Variants in NTPCR observed in about 807,000 individuals in gnomAD.
The protein encoded by NTPCR is cancer-related nucleoside-triphosphatase.
NTPCR carries 15 observed loss-of-function variants against 19.5 expected under a neutral mutation model. The observed-to-expected ratio is 0.77, with a 90% CI of 0.51 to 1.18. NTPCR has a LOEUF of 1.18. NTPCR is among the 50% of genes most tolerant of loss of function. The probability of loss-of-function intolerance (pLI) is 0.00; values close to 1 mark genes in which losing one functional copy is unlikely to be tolerated. For synonymous variants in NTPCR, 90 were observed against 95.8 expected (o/e 0.94, Z 0.36); for missense variants, 206 against 240.4 (o/e 0.86, Z 0.95).
intron 1 of NTPCR, among the ~76,000 whole-genome samples, chr1:232,953,818 C>A (rs1668440521): frequency 1.3e-5 from 2 of 151,694 alleles, no homozygotes; most frequent in South Asian, 4.2e-4. Context: ...ACATTGTGGT[C>A]TATTTTCCAT....
rs774338251 is a variant in NTPCR at position 232,969,872 on chromosome 1, ACT to A, written c.295-34_295-33del. ...ACCCATGGGCCCTTTGATTAATGTGACTCTGATGTCCCAGTGAAAGTCTTTGT... is the reference window on the plus strand; with the variant it reads ...ACCCATGGGCCCTTTGATTAATGTGACTGATGTCCCAGTGAAAGTCTTTGT... On this transcript the variant is annotated intron_variant, in intron 3 of 4. Coordinates refer to ENST00000366628, the MANE Select transcript of NTPCR (RefSeq NM_032324.3). 3.2e-6 allele frequency: 5 copies of A among 1,559,050 alleles called. No individual in the cohort carries two copies. The South Asian group carries it at 4.5e-5, about 14-fold the overall frequency.
intron 4 of NTPCR, among the ~76,000 whole-genome samples, chr1:232,975,507 A>G (rs976774035): frequency 6.6e-6 from 1 of 152,208 alleles, no homozygotes; most frequent in African/African-American, 2.4e-5. Flanking sequence ...GTATACAACT[A>G]TGTGCAAGAA....
chr1:232,957,856 A>C (rs959303968), intron 3 of NTPCR, among the ~76,000 whole-genome samples: 2 of 152,250 alleles, frequency 1.3e-5, no homozygotes, highest in Non-Finnish European at 2.9e-5. Context: ...CTTTAGACCA[A>C]GGGACCAGGA....
Position 232,953,567 on chromosome 1 carries a change from A to T in NTPCR, c.35-1990A>T, listed in dbSNP as rs569509061. Among the ~76,000 whole-genome samples, 605 of 152,218 alleles carry T rather than the reference A, an allele frequency of 4.0e-3. 4 individuals carry two copies. The highest frequency in any genetic ancestry group is 0.014 in the African/African-American group (577 of 41,534). On this transcript the variant is annotated intron_variant, in intron 1 of 4. Transcript: ENST00000366628. ...TATCTTTTTCAAAATATAAACGGCAATTTTTGTTAGGATAAGAGTAAGACC... is the reference window on the plus strand; with the variant it reads ...TATCTTTTTCAAAATATAAACGGCATTTTTTGTTAGGATAAGAGTAAGACC...
chr1:232,970,858 G>A (rs1668956023), intron 4 of NTPCR, among the ~76,000 whole-genome samples: 1 of 152,192 alleles, frequency 6.6e-6, no homozygotes, highest in Admixed American at 6.5e-5. Context: ...CTCAGTGTGA[G>A]GCTTGCAGAA....
chr1:232,953,772 T>C (rs1668438937), intron 1 of NTPCR, among the ~76,000 whole-genome samples: 1 of 152,210 alleles, frequency 6.6e-6, no homozygotes, highest in Non-Finnish European at 1.5e-5. Context: ...GAATGGTTTC[T>C]GCTATTAACC....
intron 4 of NTPCR, among the ~76,000 whole-genome samples, chr1:232,974,865 C>A (rs1669082796): frequency 6.6e-6 from 1 of 152,186 alleles, no homozygotes; most frequent in Non-Finnish European, 1.5e-5. Context: ...CTTAAAGGTC[C>A]CACCTCTATT....
intron 4 of NTPCR, among the ~76,000 whole-genome samples, chr1:232,976,106 T>C (rs1355177410): frequency 2.0e-5 from 3 of 152,222 alleles, no homozygotes; most frequent in African/African-American, 4.8e-5. Context: ...AATATTAATA[T>C]TGGAGTGTTT....
chr1:232,960,468 C>T (rs577745259), intron 3 of NTPCR, among the ~76,000 whole-genome samples: 66 of 151,764 alleles, frequency 4.3e-4, no homozygotes, highest in African/African-American at 1.4e-3. Context: ...CTCAGCCTCC[C>T]GAGTAGCTGG....
chr1:232,961,093 C>T (rs925979670), intron 3 of NTPCR, among the ~76,000 whole-genome samples: 2 of 152,186 alleles, frequency 1.3e-5, no homozygotes, highest in Non-Finnish European at 2.9e-5. Flanking sequence ...TCACAACATG[C>T]TAATCTTCAA....
At chr1:232,965,930 C>T (rs1008497960) in intron 3 of NTPCR, 4 of 152,206 alleles carry the variant, frequency 2.6e-5, no homozygotes, top group South Asian at 2.1e-4. Flanking sequence ...CTGGCATGTC[C>T]GGGGGAGCAG....
chr1:232,970,695 T>C (rs1668951349), intron 4 of NTPCR, among the ~76,000 whole-genome samples: 1 of 152,226 alleles, frequency 6.6e-6, no homozygotes, highest in Non-Finnish European at 1.5e-5. Context: ...ATAAATTTAA[T>C]CATATTTAAA....
chr1:232,956,415 A>T lies in NTPCR; in HGVS notation c.266A>T (p.Glu89Val). The stretch of plus-strand genomic sequence containing the variant: ...TATGTGGTCGACCTGACTTCTTTTG[A>T]GCAGTTGGCACTACCCGTCTTGAGG... ...GQYVVDLTSFEQLALPVLRNA... is the reference protein window; with the variant it reads ...GQYVVDLTSFVQLALPVLRNA... The change falls in exon 3 of 5, where the codon GAG (glutamate) becomes GTG (valine). Residue 89 changes from glutamate (E) to valine (V), a missense_variant. Physicochemically the swap from Glu to Val is moderately radical, Grantham distance 121. Transcript: ENST00000366628. 1 of 1,613,550 alleles carries T rather than the reference A, an allele frequency of 6.2e-7. No homozygotes were observed.
At chr1:232,957,922 GGAGA>G (rs987611774) in intron 3 of NTPCR, among the ~76,000 whole-genome samples, 4 of 152,120 alleles carry the variant, frequency 2.6e-5, no homozygotes, top group African/African-American at 9.7e-5. Flanking sequence ...AGGGCATTGG[GGAGA>G]GAGAGTTAGT....
Position 232,980,339 on chromosome 1 carries a change from G to C in NTPCR, c.*2108G>C, listed in dbSNP as rs1407695081. On this transcript the variant is annotated 3_prime_UTR_variant, in exon 5 of 5. Transcript: ENST00000366628. Reference sequence around the variant, plus strand: ...TGGAGTGTTTAAGTGGTTCGTTCAGGAGCACAGTGATAGCGGTGACAAAGG... The same window carrying C: ...TGGAGTGTTTAAGTGGTTCGTTCAGCAGCACAGTGATAGCGGTGACAAAGG... 3 of 152,184 alleles carry C rather than the reference G, an allele frequency of 2.0e-5. No individual in the cohort carries two copies. The highest frequency in any genetic ancestry group is 7.2e-5 in the African/African-American group (3 of 41,432). The allele number at this position is 152,184 out of a possible 1,614,324, so 9.4% of individuals were successfully genotyped here. A position where few individuals can be genotyped will look rare whatever the true frequency, so the allele number is the denominator to read the frequency against.
At chr1:232,975,484 G>A (rs1024084543) in intron 4 of NTPCR, among the ~76,000 whole-genome samples, 2 of 152,194 alleles carry the variant, frequency 1.3e-5, no homozygotes, top group African/African-American at 4.8e-5. Flanking sequence ...GGCAGGGGAA[G>A]AAATGCCTCT....
rs748037971 is a variant in NTPCR, at chr1:232,956,370, G to A, written c.221G>A (p.Arg74His). Residue 74 changes from arginine (R) to histidine (H), a missense_variant, in exon 3 of 5, where the codon CGT (arginine) becomes CAT (histidine). Coordinates refer to ENST00000366628, the MANE Select transcript of NTPCR (RefSeq NM_032324.3). ...AGGTTAGAGCCTCCACCTGGAAAAC[G>A]TGAATGCCGAGTTGGGCAGTATGTG... ...RVGLEPPPGK[R>H]ECRVGQYVVD... The A allele has an allele frequency of 4.3e-6, 7 of 1,613,782 alleles. No individual in the cohort carries two copies. Among genetic ancestry groups the A allele is most frequent in the African/African-American group, 4.0e-5 (3 of 75,034 alleles).
At chr1:232,955,810 A>G (rs1571953225) in intron 2 of NTPCR, 91 bp downstream of exon 2, 2 of 1,264,274 alleles carry the variant, frequency 1.6e-6, no homozygotes, top group East Asian at 4.7e-5. Flanking sequence ...TAAATTCACC[A>G]AAAGCAGATA....
chr1:232,970,265 A>T (rs114885897), intron 4 of NTPCR, 147 bp downstream of exon 4: 2 of 665,264 alleles, frequency 3.0e-6, no homozygotes, highest in Non-Finnish European at 5.1e-6. Context: ...CTAGAAATGT[A>T]TAGAACTTAA....
Sources: allele counts gnomAD v4.1 joint callset (sites outside exome capture counted in the v4.1 genomes callset), GRCh38; gene constraint gnomAD v4.1.1; transcripts MANE v1.5; gene names NCBI Gene and HGNC (gene_info 2026-07-23, HGNC 2026-07-21).